The following CADPS variants were observed in gnomAD, a reference collection of about 807,000 sequenced individuals.
The protein encoded by CADPS is calcium-dependent secretion activator 1.
Under a neutral mutation model 167.3 loss-of-function variants are expected in CADPS, and 57 were observed. The observed-to-expected ratio is 0.34, with a 90% confidence interval of 0.28 to 0.42. The LOEUF (loss-of-function observed/expected upper bound fraction) is 0.42, where lower values mean the gene tolerates loss of function less well. CADPS is among the 20% of genes least tolerant of loss of function. The pLI is 1.00. For synonymous variants in CADPS, 676 were observed against 635.3 expected, an observed-to-expected ratio of 1.06 and a Z score of -0.96; for missense variants, 1,414 against 1,738.1, an observed-to-expected ratio of 0.81 and a Z score of 3.32.
intron 1 of CADPS, among the ~76,000 whole-genome samples, chr3:62,837,446 C>T (rs1051158362): frequency 3.9e-5 from 6 of 152,142 alleles, no homozygotes; most frequent in African/African-American, 9.7e-5. Context: ...AATAGCCCTA[C>T]GAAAGTCAGT....
intron 1 of CADPS, among the ~76,000 whole-genome samples, chr3:62,792,354 C>T (rs530067915): frequency 9.2e-5 from 14 of 151,724 alleles, no homozygotes; most frequent in African/African-American, 3.1e-4. Context: ...CAGGCATGCA[C>T]CCCCATGCCT....
intron 17 of CADPS, chr3:62,499,877 A>G (rs1307576476): frequency 6.6e-6 from 1 of 152,194 alleles, no homozygotes; most frequent in African/African-American, 2.4e-5. Context: ...ATGGGTTGTG[A>G]TAGTTTGTGC....
intron 26 of CADPS, among the ~76,000 whole-genome samples, chr3:62,454,093 A>T (rs1447105231): frequency 6.6e-6 from 1 of 152,208 alleles, no homozygotes; most frequent in East Asian, 1.9e-4. Flanking sequence ...TTTGAAAGAA[A>T]AGAGTTAAAG....
intron 6 of CADPS, among the ~76,000 whole-genome samples, chr3:62,636,252 T>C (rs1159355626): frequency 1.3e-5 from 2 of 152,324 alleles, no homozygotes; most frequent in South Asian, 2.1e-4. Context: ...ACCATAACAA[T>C]GACAGTGGCA....
Position 62,875,044 on chromosome 3 carries a change from A to G in CADPS, c.-15T>C. Reference sequence around the variant, plus strand: ...GGGTCCAGCATAGTGGCGCCTGGGGAGCGGGGTCTCTGGAGCCCCCGGCTT... The same window carrying G: ...GGGTCCAGCATAGTGGCGCCTGGGGGGCGGGGTCTCTGGAGCCCCCGGCTT... On this transcript the variant is annotated 5_prime_UTR_variant, in exon 1 of 30. Coordinates refer to ENST00000383710, the MANE Select transcript of CADPS (RefSeq NM_003716.4). The G allele has an allele frequency of 6.4e-7, 1 of 1,574,528 alleles. No individual in the cohort carries two copies. Among genetic ancestry groups the G allele is most frequent in the East Asian group, 2.5e-5 (1 of 40,180 alleles).
intron 1 of CADPS, among the ~76,000 whole-genome samples, chr3:62,833,585 A>G (rs374041980): frequency 3.3e-5 from 5 of 152,096 alleles, no homozygotes; most frequent in African/African-American, 1.2e-4. Flanking sequence ...ATTCATTATC[A>G]ATGTTCTGGG....
intron 26 of CADPS, among the ~76,000 whole-genome samples, chr3:62,463,609 G>T (rs993040173): frequency 6.6e-6 from 1 of 152,196 alleles, no homozygotes; most frequent in African/African-American, 2.4e-5. Context: ...GCCATTCAGT[G>T]GTGGGGGAAA....
At chr3:62,686,834 G>A (rs2078135913) in intron 3 of CADPS, among the ~76,000 whole-genome samples, 1 of 152,052 alleles carries the variant, frequency 6.6e-6, no homozygotes, top group Non-Finnish European at 1.5e-5. Flanking sequence ...TGCTTACAGA[G>A]CCTTCCCAGA....
intron 10 of CADPS, among the ~76,000 whole-genome samples, chr3:62,553,165 C>T (rs1271468403): frequency 4.6e-5 from 7 of 152,060 alleles, no homozygotes; most frequent in Non-Finnish European, 4.4e-5. Context: ...TTTTACTAGC[C>T]CCAAGGCCTC....
At chr3:62,873,097 A>G (rs147258809) in intron 1 of CADPS, among the ~76,000 whole-genome samples, 3,799 of 152,328 alleles carry the variant, frequency 0.025, 84 homozygotes, top group South Asian at 0.077. Context: ...GCCACAGATA[A>G]AGATGGAGAG....
chr3:62,598,024 G>A (rs2059169349), intron 6 of CADPS, among the ~76,000 whole-genome samples: 1 of 152,078 alleles, frequency 6.6e-6, no homozygotes, highest in African/African-American at 2.4e-5. Context: ...CACAAAAAGT[G>A]CCATTCAAGG....
intron 8 of CADPS, among the ~76,000 whole-genome samples, chr3:62,584,237 C>G (rs2084081936): frequency 6.6e-6 from 1 of 152,122 alleles, no homozygotes; most frequent in Admixed American, 6.5e-5. Flanking sequence ...AAACTCCTGA[C>G]CTCAGGTGAT....
intron 1 of CADPS, among the ~76,000 whole-genome samples, chr3:62,851,175 C>A (rs149909759): frequency 2.2e-5 from 3 of 133,388 alleles, no homozygotes; most frequent in African/African-American, 8.1e-5. Context: ...TGTCTCTGCA[C>A]GTGAGATGGG....
chr3:62,757,526 G>A (rs912942309), intron 2 of CADPS, among the ~76,000 whole-genome samples: 3 of 152,160 alleles, frequency 2.0e-5, no homozygotes, highest in South Asian at 2.1e-4. Context: ...AATATGGAGC[G>A]AGACTATGTC....
intron 13 of CADPS, among the ~76,000 whole-genome samples, chr3:62,524,643 C>G (rs2071595846): frequency 6.6e-6 from 1 of 152,072 alleles, no homozygotes; most frequent in South Asian, 2.1e-4. Flanking sequence ...CTAACAGTAT[C>G]AGAAGGTGTC....
Position 62,532,880 on chromosome 3 carries a change from T to A in CADPS, c.2282A>T (p.His761Leu). The A allele has an allele frequency of 6.2e-7, 1 of 1,613,420 alleles. No homozygotes were observed. The highest frequency in any genetic ancestry group is 8.5e-7 in the Non-Finnish European group (1 of 1,179,678). ...ACGAACACACACTTACCTGTTCCCA[T>A]GGACATGGGATGCACAGAAGGCAAA... is the stretch of plus-strand genomic sequence containing the variant. The part of the protein sequence containing the change: ...YSFAFCASHV[H>L]GNRPDGIGTV... The change falls in exon 13 of 30, where the codon CAT becomes CTT. Residue 761 changes from histidine (H) to leucine (L), a missense_variant. Coordinates refer to ENST00000383710, the MANE Select transcript of CADPS (RefSeq NM_003716.4).
chr3:62,807,785 G>A (rs1287762834), intron 1 of CADPS, among the ~76,000 whole-genome samples: 1 of 151,488 alleles, frequency 6.6e-6, no homozygotes, highest in Non-Finnish European at 1.5e-5. Flanking sequence ...CATTTTCCTG[G>A]GTCAACTGTT....
rs568373561 is a variant in CADPS, at chr3:62,446,428, G to A, written c.3637-631C>T. ...TTTTGTGGGGAGGGAGTATGGTAGC[G>A]TGCTAGAGTGTTATGTTTGAGAGCA... On this transcript the variant is annotated intron_variant, in intron 26 of 29. Transcript: ENST00000383710. This position sits in a 1 kb window ranked among gnomAD's most constrained non-coding sequence, Gnocchi z 4.9. 4.6e-5 allele frequency among the ~76,000 whole-genome samples: 7 copies of A among 152,216 alleles called. No homozygotes were observed. Among genetic ancestry groups the A allele is most frequent in the East Asian group, 1.9e-4 (1 of 5,158 alleles).
chr3:62,625,370 A>T (rs1359629663), intron 6 of CADPS: 2 of 127,040 alleles, frequency 1.6e-5, no homozygotes, highest in Non-Finnish European at 3.2e-5. Flanking sequence ...CAATTTTGTC[A>T]TAAAAGTTTT....
Sources: allele counts gnomAD v4.1 joint callset (sites outside exome capture counted in the v4.1 genomes callset), GRCh38; gene constraint gnomAD v4.1.1; non-coding constraint Gnocchi (gnomAD v3.1); transcripts MANE v1.5; gene names NCBI Gene and HGNC (gene_info 2026-07-23, HGNC 2026-07-21).